Variants in MUC5AC observed in about 807,000 individuals in gnomAD.
MUC5AC encodes mucin 5AC, oligomeric mucus/gel-forming.
Under a neutral mutation model 169.7 loss-of-function variants are expected in MUC5AC, and 158 were observed. That is an observed-to-expected ratio of 0.93 (90% confidence interval 0.82 to 1.06). MUC5AC has a LOEUF of 1.06. Among genes scored for constraint, MUC5AC ranks in the 50% least tolerant of loss-of-function variants. The pLI is 0.00. For missense variants in MUC5AC, 4,359 were observed against 3,089.9 expected (o/e 1.41, Z -9.74); for synonymous variants, 1,975 against 1,237.0 (o/e 1.60, Z -12.52).
chr11:1,170,913 C>T (rs1236720382), intron 15 of MUC5AC, among the ~76,000 whole-genome samples: 1 of 128,204 alleles, frequency 7.8e-6, no homozygotes, highest in Non-Finnish European at 1.6e-5. Flanking sequence ...CACTCACTCA[C>T]CTCACTCACT....
chr11:1,184,904 C>T lies in MUC5AC; in HGVS notation c.6759C>T (p.Thr2253=). 8.0e-6 allele frequency: 5 copies of T among 628,580 alleles called. No homozygotes were observed. The highest frequency in any genetic ancestry group is 8.5e-6 in the Non-Finnish European group (3 of 351,574). The allele number at this position is 628,580 out of a possible 1,614,324, so 38.9% of individuals were successfully genotyped here. Residue 2253 remains threonine, a synonymous_variant, in exon 31 of 49, where the codon ACC becomes ACT. Transcript: ENST00000621226. The stretch of plus-strand genomic sequence containing the variant: ...CCTCTTGGCAGAAATCCAGGACAAC[C>T]ACTTTGGTGACAACCAGCACAACCT... ...STSSWQKSRT[T]TLVTTSTTST... is the part of the protein sequence containing the mutation.
intron 37 of MUC5AC, 143 bp from the exon 38 acceptor site, chr11:1,196,243 GCA>G: frequency 1.5e-6 from 1 of 657,284 alleles, no homozygotes; most frequent in Non-Finnish European, 2.7e-6. Flanking sequence ...CCGTGGCGGG[GCA>G]CTGGGGTGTG....
intron 5 of MUC5AC, 34 bp from the exon 6 acceptor site, chr11:1,162,921 T>G (rs1252269097): frequency 3.2e-6 from 5 of 1,572,362 alleles, no homozygotes; most frequent in Middle Eastern, 1.7e-4. Context: ...CTGCCCCTGG[T>G]GGGGATGGGT....
intron 1 of MUC5AC, 57 bp downstream of exon 1, chr11:1,158,129 C>G: frequency 6.9e-7 from 1 of 1,459,762 alleles, no homozygotes; most frequent in Non-Finnish European, 9.3e-7. Context: ...ACTGAGTGGG[C>G]CTCAGGCAGC....
chr11:1,159,149 C>T (rs1472337373), intron 1 of MUC5AC, among the ~76,000 whole-genome samples: 1 of 152,194 alleles, frequency 6.6e-6, no homozygotes, highest in African/African-American at 2.4e-5. Context: ...CACCCCTCCG[C>T]CCACTGACGG....
At position 1,194,049 on chromosome 11, in the gene MUC5AC, G is replaced by T. The variant is rs1590151202; in HGVS notation, c.14756-61G>T. ...ACAGATGTGACCTGTTGGGAGGAAAGCCCCAGGGCCATGGTGCCACCACCC... is the reference window on the plus strand; with the variant it reads ...ACAGATGTGACCTGTTGGGAGGAAATCCCCAGGGCCATGGTGCCACCACCC... On this transcript the variant is annotated intron_variant, in intron 33 of 48. Coordinates refer to ENST00000621226, the MANE Select transcript of MUC5AC (RefSeq NM_001304359.2). 11 of 743,236 alleles carry T rather than the reference G, an allele frequency of 1.5e-5. No individual in the cohort carries two copies. The East Asian group carries it at 2.5e-4, about 17-fold the overall frequency. The allele number at this position is 743,236 out of a possible 1,614,324, so 46.0% of individuals were successfully genotyped here. A position where few individuals can be genotyped will look rare whatever the true frequency, so the allele number is the denominator to read the frequency against.
At chr11:1,176,874 C>T (rs1860699726) in intron 21 of MUC5AC, 54 bp from the exon 22 acceptor site, 1 of 398,530 alleles carries the variant, frequency 2.5e-6, no homozygotes, top group African/African-American at 2.1e-5. Flanking sequence ...AGGCTGCACC[C>T]AGTCAGGCAG....
intron 5 of MUC5AC, 142 bp from the exon 6 acceptor site, chr11:1,162,813 G>A (rs1377681211): frequency 1.0e-6 from 1 of 994,004 alleles, no homozygotes; most frequent in Admixed American, 1.9e-5. Flanking sequence ...GGTGTCCCGG[G>A]GTCTGTGCCC....
intron 3 of MUC5AC, 82 bp from the exon 4 acceptor site, chr11:1,161,825 G>T (rs2133714475): frequency 6.6e-7 from 1 of 1,514,384 alleles, no homozygotes. Flanking sequence ...CTGGGGAGGG[G>T]CAGGAGGTAC....
At chr11:1,161,642 C>A (rs1001460805) in intron 3 of MUC5AC, 56 bp downstream of exon 3, 2 of 1,553,534 alleles carry the variant, frequency 1.3e-6, no homozygotes, top group East Asian at 2.3e-5. Context: ...CTGAGCTCCC[C>A]GCTCAGGCCT....
At position 1,200,600 on chromosome 11, in the gene MUC5AC, G is replaced by A. The variant is rs373253880; in HGVS notation, c.16863G>A (p.Ala5621=). The A allele has an allele frequency of 1.3e-4, 101 of 764,508 alleles. 1 individual carries two copies. The highest frequency in any genetic ancestry group is 1.2e-3 in the South Asian group (88 of 74,556). The allele number at this position is 764,508 out of a possible 1,614,324, so 47.4% of individuals were successfully genotyped here. The part of the protein sequence containing the change: ...ECGCMGRRCP[A]PGDTQHSEEA... Reference sequence around the variant, plus strand: ...GCTGCATGGGCCGGCGGTGCCCTGCGCCGGGCGACACCCAGCACTCGGAGG... The same window carrying A: ...GCTGCATGGGCCGGCGGTGCCCTGCACCGGGCGACACCCAGCACTCGGAGG... The change falls in exon 49 of 49, where the codon GCG becomes GCA. Residue 5621 remains alanine (A), a synonymous_variant. Transcript: ENST00000621226.
In MUC5AC at chr11:1,191,875, C is replaced by T. The variant is rs200208924; in HGVS notation, c.13730C>T (p.Thr4577Ile). The T allele has an allele frequency of 3.9e-6, 3 of 763,218 alleles. No individual in the cohort carries two copies. The highest frequency in any genetic ancestry group is 7.2e-6 in the Non-Finnish European group (3 of 417,424). The allele number at this position is 763,218 out of a possible 1,614,324, so 47.3% of individuals were successfully genotyped here. The change falls in exon 31 of 49, where the codon ACA becomes ATA. Residue 4577 changes from threonine to isoleucine, a missense_variant. Transcript: ENST00000621226. Reference sequence around the variant, plus strand: ...CCCAGCCCTGTTCCCACCACCAGCACAACCTCTGCTCCTACAACCAGCACG... The same window carrying T: ...CCCAGCCCTGTTCCCACCACCAGCATAACCTCTGCTCCTACAACCAGCACG... ...TTPSPVPTTS[T>I]TSAPTTSTTS...
In MUC5AC at chr11:1,189,496, C is replaced by T; in HGVS notation, c.11351C>T (p.Thr3784Ile). ...NTTSAPTTST[T>I]SAPITSTISA... ...ACCTCTGCCCCTACAACTAGCACTACCTCTGCTCCCATAACCAGCACAATC... is the reference window on the plus strand; with the variant it reads ...ACCTCTGCCCCTACAACTAGCACTATCTCTGCTCCCATAACCAGCACAATC... The change falls in exon 31 of 49, where the codon ACC becomes ATC. Residue 3784 changes from threonine to isoleucine, a missense_variant. By Grantham distance (89) the Thr-to-Ile change is moderately conservative (BLOSUM62 -1). Coordinates refer to ENST00000621226, the MANE Select transcript of MUC5AC (RefSeq NM_001304359.2). 1 of 591,494 alleles carries T rather than the reference C, an allele frequency of 1.7e-6. No individual in the cohort carries two copies. 36.6% of individuals were successfully genotyped at this position (591,494 alleles called of 1,614,324 possible).
At position 1,180,397 on chromosome 11, in the gene MUC5AC, G is replaced by C; in HGVS notation, c.3657G>C (p.Glu1219Asp). 1 of 398,808 alleles carries C rather than the reference G, an allele frequency of 2.5e-6. No homozygotes were observed. Among genetic ancestry groups the C allele is most frequent in the Non-Finnish European group, 4.4e-6 (1 of 226,182 alleles). 24.7% of individuals were successfully genotyped at this position (398,808 alleles called of 1,614,324 possible). A position where few individuals can be genotyped will look rare whatever the true frequency, so the allele number is the denominator to read the frequency against. ...KCPPEAPIFD[E>D]DKMQCVATCP... Reference sequence around the variant, plus strand: ...CACCAGAGGCTCCCATCTTTGATGAGGACAAGATGCAGTGTGTGGCCACCT... The same window carrying C: ...CACCAGAGGCTCCCATCTTTGATGACGACAAGATGCAGTGTGTGGCCACCT... The change falls in exon 28 of 49, where the codon GAG (glutamate) becomes GAC (aspartate). Residue 1219 changes from glutamate (E) to aspartate (D), a missense_variant. Physicochemically the swap from Glu to Asp is conservative, Grantham distance 45. Coordinates refer to ENST00000621226, the MANE Select transcript of MUC5AC (RefSeq NM_001304359.2).
chr11:1,170,909 CTCA>C (rs1860493818), intron 15 of MUC5AC, among the ~76,000 whole-genome samples: 2 of 138,996 alleles, frequency 1.4e-5, no homozygotes, highest in African/African-American at 2.7e-5. Flanking sequence ...CACCCACTCA[CTCA>C]CCTCACTCAC....
In MUC5AC at chr11:1,195,856, C is replaced by T; in HGVS notation, c.15459-20C>T. The T allele has an allele frequency of 1.3e-6, 1 of 761,812 alleles. No homozygotes were observed. The highest frequency in any genetic ancestry group is 2.4e-6 in the Non-Finnish European group (1 of 415,708). The allele number at this position is 761,812 out of a possible 1,614,324, so 47.2% of individuals were successfully genotyped here. ...TGGCCGGAGAGGCTGCACCCAGCAC[C>T]CTGCCCATCCCTCCCACAGGGTCTT... On this transcript the variant is annotated intron_variant, in intron 36 of 48. Coordinates refer to ENST00000621226, the MANE Select transcript of MUC5AC (RefSeq NM_001304359.2).
intron 12 of MUC5AC, 87 bp downstream of exon 12, chr11:1,168,074 C>A: frequency 8.5e-7 from 1 of 1,172,758 alleles, no homozygotes; most frequent in South Asian, 1.3e-5. Context: ...CCCTTCATCC[C>A]TGGCATGAAC....
intron 3 of MUC5AC, 95 bp downstream of exon 3, chr11:1,161,681 C>G (rs1453482671): frequency 6.0e-5 from 83 of 1,392,508 alleles, no homozygotes; most frequent in Non-Finnish European, 9.7e-7. Flanking sequence ...GGGGCCCCAG[C>G]TTTCCGGGTG....
intron 37 of MUC5AC, 45 bp from the exon 38 acceptor site, chr11:1,196,343 T>C (rs1283430896): frequency 2.6e-6 from 2 of 762,038 alleles, no homozygotes; most frequent in Admixed American, 1.7e-5. Context: ...TTGCTCTGGG[T>C]GGGTGCCCTC....
Sources: gnomAD v4.1 joint callset for allele counts (sites outside exome capture counted in the v4.1 genomes callset) on GRCh38, gnomAD v4.1.1 for gene constraint, MANE v1.5 for transcripts, NCBI Gene and HGNC (gene_info 2026-07-23, HGNC 2026-07-21) for gene names.